Variants in EIF4G3 observed in about 807,000 individuals in gnomAD.
EIF4G3 encodes the protein eukaryotic translation initiation factor 4 gamma 3.
In EIF4G3, 34 loss-of-function variants were observed where a neutral mutation model predicts 186.4. The observed-to-expected ratio is 0.18, with a 90% CI of 0.14 to 0.24. The LOEUF (loss-of-function observed/expected upper bound fraction) is 0.24. Ranked by LOEUF, EIF4G3 falls within the 10% of genes least tolerant of loss-of-function variation. EIF4G3 has a pLI of 1.00. For synonymous variants in EIF4G3, 673 were observed against 679.5 expected (o/e 0.99, Z 0.15); for missense variants, 1,536 against 1,948.5 (o/e 0.79, Z 3.99).
chr1:20,909,644 T>A (rs1007833633), intron 14 of EIF4G3, among the ~76,000 whole-genome samples: 1 of 152,214 alleles, frequency 6.6e-6, no homozygotes, highest in South Asian at 2.1e-4. Context: ...TTATACTGTT[T>A]TTTTTGTTTG....
chr1:20,893,284 A>G (rs2086759356), intron 18 of EIF4G3: 5 of 351,136 alleles, frequency 1.4e-5, no homozygotes, highest in Admixed American at 4.7e-5. Flanking sequence ...TTGAAAAAAT[A>G]GGGAAAAAAA....
chr1:20,977,091 A>AC (rs2077004667), intron 10 of EIF4G3, among the ~76,000 whole-genome samples: 1 of 38,824 alleles, frequency 2.6e-5, no homozygotes, highest in East Asian at 3.0e-3. Flanking sequence ...AATATAAATG[A>AC]AAAAAAAAAT....
At chr1:20,954,475 G>A (rs1190337436) in intron 12 of EIF4G3, among the ~76,000 whole-genome samples, 1 of 140,844 alleles carries the variant, frequency 7.1e-6, no homozygotes, top group African/African-American at 2.6e-5. Flanking sequence ...GGTGGAGGTT[G>A]CAGTGAGCCG....
chr1:21,096,428 T>C (rs2096372131), intron 2 of EIF4G3, among the ~76,000 whole-genome samples: 1 of 152,184 alleles, frequency 6.6e-6, no homozygotes, highest in Non-Finnish European at 1.5e-5. Flanking sequence ...GTACAACATA[T>C]GTTTTTCAAG....
intron 2 of EIF4G3, among the ~76,000 whole-genome samples, chr1:21,113,217 G>A (rs1448890820): frequency 2.0e-5 from 3 of 146,888 alleles, no homozygotes; most frequent in Admixed American, 6.8e-5. Flanking sequence ...GAGTAGCACT[G>A]TACATTTTTT....
rs78307458 is a variant in EIF4G3 at position 21,124,410 on chromosome 1, A to G, written c.-271-35197T>C. ...ATGTGAGATTGCTTCTTACATGGGC[A>G]CTACTGGCTTCAAACACCTTGAAGA... On this transcript the variant is annotated intron_variant, in intron 2 of 36. Transcript: ENST00000602326. Among the ~76,000 whole-genome samples the G allele has an allele frequency of 6.1e-3, 924 of 152,348 alleles. 13 individuals carry two copies. The highest frequency in any genetic ancestry group is 0.024 in the East Asian group (125 of 5,190).
At chr1:20,897,694 A>G (rs544285964) in intron 16 of EIF4G3, among the ~76,000 whole-genome samples, 8 of 152,110 alleles carry the variant, frequency 5.3e-5, no homozygotes, top group African/African-American at 1.9e-4. Flanking sequence ...CCATATCTTT[A>G]TTACCCTATT....
chr1:21,107,607 A>T (rs1182192975), intron 2 of EIF4G3, among the ~76,000 whole-genome samples: 1 of 152,246 alleles, frequency 6.6e-6, no homozygotes, highest in African/African-American at 2.4e-5. Context: ...TCCAATGTAT[A>T]AAGTTTTATT....
chr1:20,861,965 CT>C (rs1381487489), intron 23 of EIF4G3, among the ~76,000 whole-genome samples: 7 of 151,190 alleles, frequency 4.6e-5, no homozygotes, highest in Non-Finnish European at 4.4e-5. Context: ...CAGAGTGAGA[CT>C]CTATCTCAAA....
chr1:21,160,003 G>T (rs1037291956), intron 2 of EIF4G3, among the ~76,000 whole-genome samples: 2 of 151,996 alleles, frequency 1.3e-5, no homozygotes, highest in Non-Finnish European at 2.9e-5. Flanking sequence ...CTACTCAGGA[G>T]GCTGTGTTCA....
intron 2 of EIF4G3, among the ~76,000 whole-genome samples, chr1:21,115,309 G>C (rs1025011667): frequency 2.3e-4 from 35 of 152,152 alleles, no homozygotes; most frequent in Admixed American, 2.0e-3. Context: ...AAGGTCCATG[G>C]GGAGAGAGGG....
intron 12 of EIF4G3, among the ~76,000 whole-genome samples, chr1:20,964,066 A>G (rs1256222529): frequency 2.6e-5 from 4 of 152,232 alleles, no homozygotes; most frequent in Non-Finnish European, 5.9e-5. Flanking sequence ...CATAATAGCT[A>G]GCATATTTCT....
chr1:21,108,181 A>C (rs1439556961), intron 2 of EIF4G3, among the ~76,000 whole-genome samples: 3 of 152,192 alleles, frequency 2.0e-5, no homozygotes, highest in African/African-American at 4.8e-5. Context: ...AAAAAATACA[A>C]TCTTTGAAAG....
chr1:21,117,509 G>A (rs2096846023), intron 2 of EIF4G3, among the ~76,000 whole-genome samples: 1 of 151,892 alleles, frequency 6.6e-6, no homozygotes. Context: ...ATAAAAAACT[G>A]AATTTTTCTT....
intron 4 of EIF4G3, among the ~76,000 whole-genome samples, chr1:21,043,559 T>C (rs1423611301): frequency 1.3e-5 from 2 of 152,094 alleles, no homozygotes; most frequent in Non-Finnish European, 2.9e-5. Context: ...AAAGCTGCTT[T>C]AGGCACATTT....
intron 28 of EIF4G3, among the ~76,000 whole-genome samples, chr1:20,851,053 G>C (rs933627986): frequency 1.3e-5 from 2 of 152,146 alleles, no homozygotes; most frequent in Non-Finnish European, 2.9e-5. Flanking sequence ...ATAGAGAAAG[G>C]AGAAAATTTA....
rs547249434 is a variant in EIF4G3, at chr1:20,840,952, G to A, written c.3965C>T (p.Thr1322Ile). ...HVFVRVGVES[T>I]LERSQITRDH... ...CCTGGTGATCTGGCTCCTTTCCAGG[G>A]TGGACTCCACTCCCACTCTCACAAA... The change falls in exon 30 of 37, where the codon ACC (threonine) becomes ATC (isoleucine). Residue 1322 changes from threonine to isoleucine, a missense_variant. Around this residue, in one of 11 missense-constraint regions of EIF4G3, gnomAD observed 395 missense variants for 498.9 expected, o/e 0.79. Transcript: ENST00000602326. 1 of 1,614,100 alleles carries A rather than the reference G, an allele frequency of 6.2e-7. No individual in the cohort carries two copies. The highest frequency in any genetic ancestry group is 2.2e-5 in the East Asian group (1 of 44,870).
rs955583454 is a variant in EIF4G3 at position 21,131,221 on chromosome 1, C to G, written c.-271-42008G>C. On this transcript the variant is annotated intron_variant, in intron 2 of 36. Coordinates refer to ENST00000602326, the MANE Select transcript of EIF4G3 (RefSeq NM_001391906.1). ...TGCCACTACACTCCAGCCTGGGCAA[C>G]AGAGTGAGATTCTGCCTCAAAAAAA... is the stretch of plus-strand genomic sequence containing the variant. 2.5e-5 allele frequency among the ~76,000 whole-genome samples: 3 copies of G among 120,446 alleles called. No homozygotes were observed. The Admixed American group carries it at 3.3e-4, about 13-fold the overall frequency. 79.0% of individuals were successfully genotyped at this position (120,446 alleles called of 152,430 possible). A position where few individuals can be genotyped will look rare whatever the true frequency, so the allele number is the denominator to read the frequency against.
At chr1:20,815,053 G>A (rs1449975075) in intron 34 of EIF4G3, among the ~76,000 whole-genome samples, 8 of 74,862 alleles carry the variant, frequency 1.1e-4, no homozygotes, top group African/African-American at 1.5e-4. Context: ...CCGAGGTGCC[G>A]GGATTGCAGA....
Sources: allele counts gnomAD v4.1 joint callset (sites outside exome capture counted in the v4.1 genomes callset), GRCh38; gene constraint gnomAD v4.1.1; regional missense constraint gnomAD v4.1.1; transcripts MANE v1.5; gene names NCBI Gene and HGNC (gene_info 2026-07-23, HGNC 2026-07-21).